Variants in ZNF75D observed in about 807,000 individuals in gnomAD.
ZNF75D encodes the protein zinc finger protein 75.
In ZNF75D, 33 loss-of-function variants were observed where a neutral mutation model predicts 33.3. The observed-to-expected ratio is 0.99, with a 90% CI of 0.75 to 1.32. ZNF75D has a LOEUF of 1.32. ZNF75D is among the 40% of genes most tolerant of loss of function. The pLI, the probability that ZNF75D is intolerant of heterozygous loss-of-function variation, is 0.00. For missense variants in ZNF75D, 338 were observed against 367.5 expected, an observed-to-expected ratio of 0.92 and a Z score of 0.66; for synonymous variants, 113 against 130.6, an observed-to-expected ratio of 0.87 and a Z score of 0.92.
In ZNF75D at chrX:135,256,468, C is replaced by T. The variant is rs781900952; in HGVS notation, n.828-691G>A. ...ACCAGCCCTCGCCAGAAGAATCACC[C>T]TTCCCATCAGTTGAAACTTGAGCTT... On this transcript the variant is annotated intron_variant and non_coding_transcript_variant, in intron 1 of 3. Transcript: ENST00000494295. 2.8e-3 allele frequency among the ~76,000 whole-genome samples: 318 copies of T among 112,131 alleles called. 5 individuals carry two copies. The highest frequency in any genetic ancestry group is 9.3e-3 in the Middle Eastern group (2 of 215).
chrX:135,304,752 G>A (rs782518361), intron 1 of ZNF75D, among the ~76,000 whole-genome samples: 8 of 112,759 alleles, frequency 7.1e-5, no homozygotes, highest in African/African-American at 2.6e-4. Context: ...CTATAGAGAG[G>A]AAATGTAGCT....
At chrX:135,279,343 A>G (rs2083911396) in intron 1 of ZNF75D, among the ~76,000 whole-genome samples, 1 of 111,271 alleles carries the variant, frequency 9.0e-6, no homozygotes, top group African/African-American at 3.3e-5. Flanking sequence ...TATCCCCTTT[A>G]TCATTTTTTA....
intron 3 of ZNF75D, 59 bp downstream of exon 3, chrX:135,293,671 T>C: frequency 9.4e-7 from 1 of 1,065,624 alleles, no homozygotes; most frequent in Non-Finnish European, 1.3e-6. Context: ...AACTCCTCCA[T>C]TCTGATATAT....
intron 1 of ZNF75D, among the ~76,000 whole-genome samples, chrX:135,266,681 G>A (rs781886897): frequency 1.8e-5 from 2 of 111,781 alleles, no homozygotes; most frequent in Non-Finnish European, 3.8e-5. Context: ...AATTATAGCT[G>A]GAGACTTCAA....
At chrX:135,292,976 C>T (rs1380492564) in intron 3 of ZNF75D, among the ~76,000 whole-genome samples, 1 of 112,191 alleles carries the variant, frequency 8.9e-6, no homozygotes, top group Non-Finnish European at 1.9e-5. Context: ...AAGAGTTGGG[C>T]TCTAATCTCT....
intron 1 of ZNF75D, among the ~76,000 whole-genome samples, chrX:135,312,160 C>T (rs1396771631): frequency 1.8e-5 from 2 of 111,598 alleles, no homozygotes; most frequent in African/African-American, 6.5e-5. Flanking sequence ...CCAACACACC[C>T]TTCCCAGACT....
At chrX:135,292,768 G>A (rs1411508640) in intron 3 of ZNF75D, among the ~76,000 whole-genome samples, 1 of 112,394 alleles carries the variant, frequency 8.9e-6, no homozygotes, top group African/African-American at 3.2e-5. Flanking sequence ...GAGTTGGGTA[G>A]GCAGCCTGTT....
chrX:135,292,229 C>G (rs1290910520), intron 4 of ZNF75D, 52 bp downstream of exon 4: 3 of 1,130,736 alleles, frequency 2.7e-6, no homozygotes, highest in Non-Finnish European at 2.4e-6. Flanking sequence ...TCTAGGTGAA[C>G]TAATTACTAC....
chrX:135,253,642 T>C (rs1217857858), intron 2 of ZNF75D: 66 of 254,670 alleles, frequency 2.6e-4, no homozygotes, highest in Non-Finnish European at 6.9e-6. Flanking sequence ...AGGGTGTTCT[T>C]GGGTTACACT....
intron 1 of ZNF75D, among the ~76,000 whole-genome samples, chrX:135,270,274 A>T (rs2148461992): frequency 9.6e-6 from 1 of 103,882 alleles, no homozygotes; most frequent in South Asian, 4.3e-4. Context: ...TAACACAAAG[A>T]ATAAATTCTT....
At chrX:135,330,990 G>A (rs1461812332) in intron 1 of ZNF75D, among the ~76,000 whole-genome samples, 1 of 111,157 alleles carries the variant, frequency 9.0e-6, no homozygotes, top group East Asian at 2.8e-4. Context: ...TCTCCCTAAC[G>A]ATTTTGAAGA....
intron 1 of ZNF75D, among the ~76,000 whole-genome samples, chrX:135,324,303 C>T (rs1445967145): frequency 8.9e-6 from 1 of 111,825 alleles, no homozygotes; most frequent in African/African-American, 3.3e-5. Flanking sequence ...ACACATTTAC[C>T]TTATGTTAGT....
chrX:135,262,989 C>A lies in ZNF75D; in HGVS notation n.828-7212G>T, dbSNP rs543415722. 7.1e-5 allele frequency among the ~76,000 whole-genome samples: 8 copies of A among 112,467 alleles called. No individual in the cohort carries two copies. In the South Asian group the frequency reaches 2.6e-3, roughly 36 times the overall value. ...ACAGATGGGATTTTGGTGTAGATGA[C>A]CTTTTTGTTAATGTTGTTGCTTTTC... On this transcript the variant is annotated intron_variant and non_coding_transcript_variant, in intron 1 of 3. Transcript: ENST00000494295.
chrX:135,287,205 G>T lies in ZNF75D; in HGVS notation c.1465C>A (p.Arg489=), dbSNP rs782065716. 7.4e-6 allele frequency: 9 copies of T among 1,209,196 alleles called. No individual in the cohort carries two copies. Among genetic ancestry groups the T allele is most frequent in the Non-Finnish European group, 1.0e-5 (9 of 894,972 alleles). ...CSLCKRNFSR[R]SSLLRHQKLH... ...TTCTGGTGTCTAAGAAGGCTCGATC[G>T]CCTACTAAAGTTTCTCTTGCATAAG... Residue 489 remains arginine (R), a synonymous_variant, in exon 7 of 7, where the codon CGA becomes AGA. Transcript: ENST00000370766.
At chrX:135,265,194 G>A (rs1556416158) in intron 1 of ZNF75D, among the ~76,000 whole-genome samples, 2 of 108,801 alleles carry the variant, frequency 1.8e-5, no homozygotes, top group Non-Finnish European at 3.8e-5. Context: ...ACTCTAGCCT[G>A]GGCAACAAGA....
intron 1 of ZNF75D, among the ~76,000 whole-genome samples, chrX:135,313,845 C>G: frequency 8.9e-6 from 1 of 111,931 alleles, no homozygotes; most frequent in Non-Finnish European, 1.9e-5. Context: ...ATTTTGTATC[C>G]TGCAACTTTA....
intron 1 of ZNF75D, among the ~76,000 whole-genome samples, chrX:135,325,999 A>G (rs1312471945): frequency 8.9e-6 from 1 of 111,804 alleles, no homozygotes; most frequent in Admixed American, 9.3e-5. Flanking sequence ...TGTCTAGCTC[A>G]GGGTTTGTGA....
intron 1 of ZNF75D, among the ~76,000 whole-genome samples, chrX:135,304,168 G>A (rs1249037863): frequency 8.9e-6 from 1 of 111,766 alleles, no homozygotes; most frequent in African/African-American, 3.3e-5. Flanking sequence ...GCCATCTCTG[G>A]CTGCCAGTGA....
intron 1 of ZNF75D, among the ~76,000 whole-genome samples, chrX:135,264,154 G>A (rs781850086): frequency 3.6e-4 from 40 of 111,892 alleles, no homozygotes; most frequent in African/African-American, 8.8e-4. Flanking sequence ...GAGGCCTCAG[G>A]AAACTTACAC....
Sources: gnomAD v4.1 joint callset for allele counts (sites outside exome capture counted in the v4.1 genomes callset) on GRCh38, gnomAD v4.1.1 for gene constraint, MANE v1.5 for transcripts, NCBI Gene and HGNC (gene_info 2026-07-23, HGNC 2026-07-21) for gene names.